The following DICER1 variants were observed in gnomAD, a reference collection of about 807,000 sequenced individuals.
The protein encoded by DICER1 is endoribonuclease Dicer.
Under a neutral mutation model 194.1 loss-of-function variants are expected in DICER1, and 43 were observed. The ratio of observed to expected loss-of-function variants is 0.22; its 90% CI spans 0.17 to 0.29. The LOEUF is 0.29. DICER1 is among the 10% of genes least tolerant of loss of function. The probability of loss-of-function intolerance (pLI) is 1.00; values close to 1 mark genes in which losing one functional copy is unlikely to be tolerated. For synonymous variants in DICER1, 832 were observed against 820.5 expected (o/e 1.01, Z -0.24); for missense variants, 1,608 against 2,317.0 (o/e 0.69, Z 6.28).
At position 95,105,254 on chromosome 14, in the gene DICER1, TA is replaced by T; in HGVS notation, c.3094-9del. 1 of 1,607,782 alleles carries T rather than the reference TA, an allele frequency of 6.2e-7. No homozygotes were observed. Among genetic ancestry groups the T allele is most frequent in the Non-Finnish European group, 8.5e-7 (1 of 1,177,864 alleles). The stretch of plus-strand genomic sequence containing the variant: ...GAGTTCTGGAACCAGTATCTTCAAG[TA>T]AGGGGAAAAATGGACAGATAAATAC... On this transcript the variant is annotated splice_polypyrimidine_tract_variant and intron_variant, in intron 19 of 26. Transcript: ENST00000343455. The surrounding 1 kb of genome is among the most constrained non-coding windows in gnomAD (Gnocchi z 4.9).
At chr14:95,097,739 T>C (rs958649798) in intron 22 of DICER1, among the ~76,000 whole-genome samples, 7 of 152,176 alleles carry the variant, frequency 4.6e-5, no homozygotes, top group African/African-American at 7.2e-5. Flanking sequence ...ATTTTTTAAA[T>C]ACTACAAATA....
chr14:95,141,454 C>T (rs1894823357), intron 1 of DICER1, among the ~76,000 whole-genome samples: 2 of 152,206 alleles, frequency 1.3e-5, no homozygotes. Context: ...TTTGTTAGAT[C>T]TGACATCAGA....
intron 1 of DICER1, among the ~76,000 whole-genome samples, chr14:95,155,224 A>C (rs1031438986): frequency 5.9e-5 from 9 of 152,206 alleles, no homozygotes; most frequent in Admixed American, 5.9e-4. Flanking sequence ...CTTGGCGCAT[A>C]ACAAGGAGGC....
In DICER1 at chr14:95,090,400, CCACT is replaced by C. The variant is rs1332134490; in HGVS notation, c.*94_*97del. On this transcript the variant is annotated 3_prime_UTR_variant, in exon 27 of 27. Coordinates refer to ENST00000343455, the MANE Select transcript of DICER1 (RefSeq NM_177438.3). ...CTTTAAATTCTGCCTTCAATTCATTCCACTCACTAACAACTTTAAGTCTTCCTTT... is the reference window on the plus strand; with the variant it reads ...CTTTAAATTCTGCCTTCAATTCATTCCACTAACAACTTTAAGTCTTCCTTT... 7 of 1,333,530 alleles carry C rather than the reference CCACT, an allele frequency of 5.2e-6. No individual in the cohort carries two copies. Among genetic ancestry groups the C allele is most frequent in the East Asian group, 2.3e-5 (1 of 43,052 alleles). 82.6% of individuals were successfully genotyped at this position (1,333,530 alleles called of 1,614,324 possible). A position where few individuals can be genotyped will look rare whatever the true frequency, so the allele number is the denominator to read the frequency against.
In DICER1 at chr14:95,093,915, C is replaced by T. The variant is rs111630745; in HGVS notation, c.5337G>A (p.Lys1779=). Residue 1779 remains lysine, a synonymous_variant, in exon 24 of 27, where the codon AAG becomes AAA. Coordinates refer to ENST00000343455, the MANE Select transcript of DICER1 (RefSeq NM_177438.3). ...IDDFVQFQLE[K]NEMQGMDSEL... is the part of the protein sequence containing the mutation. ...CAGAATCCATTCCTTGCATTTCATTCTTCTCAAGCTGAAACTGCACAAAGT... is the reference window on the plus strand; with the variant it reads ...CAGAATCCATTCCTTGCATTTCATTTTTCTCAAGCTGAAACTGCACAAAGT... 5.5e-5 allele frequency: 88 copies of T among 1,614,162 alleles called. No individual in the cohort carries two copies. The African/African-American group carries it at 1.1e-3, about 20-fold the overall frequency.
At chr14:95,110,369 C>T (rs1223228217) in intron 14 of DICER1, among the ~76,000 whole-genome samples, 5 of 152,216 alleles carry the variant, frequency 3.3e-5, no homozygotes, top group Non-Finnish European at 7.4e-5. Context: ...GGCACACGCA[C>T]ATGCATCCCC....
chr14:95,091,079 G>C lies in DICER1; in HGVS notation c.5558C>G (p.Pro1853Arg). 6.2e-7 allele frequency: 1 copy of C among 1,614,026 alleles called. No individual in the cohort carries two copies. The highest frequency in any genetic ancestry group is 8.5e-7 in the Non-Finnish European group (1 of 1,179,964). Residue 1853 changes from proline (P) to arginine (R), a missense_variant, in exon 26 of 27, where the codon CCT (proline) becomes CGT (arginine). Pro to Arg is a moderately radical substitution (Grantham distance 103). Coordinates refer to ENST00000343455, the MANE Select transcript of DICER1 (RefSeq NM_177438.3). ...EKFSANVPRS[P>R]VRELLEMEPE... is the part of the protein sequence containing the mutation. ...TTCCATTTCAAGCAATTCTCGCACA[G>C]GGGAACGGGGTACATTTGCAGAAAA...
chr14:95,133,752 T>G (rs912578371), intron 1 of DICER1, among the ~76,000 whole-genome samples: 1 of 152,226 alleles, frequency 6.6e-6, no homozygotes, highest in African/African-American at 2.4e-5. Context: ...GAGATGTACA[T>G]GAATATTTGT....
intron 15 of DICER1, 44 bp from the exon 16 acceptor site, chr14:95,108,137 A>T: frequency 6.9e-7 from 1 of 1,456,888 alleles, no homozygotes; most frequent in East Asian, 2.3e-5. Context: ...ATTAACAGGT[A>T]TTTTATTCCA....
chr14:95,092,361 TC>T (rs1889924032), intron 24 of DICER1, among the ~76,000 whole-genome samples: 2 of 152,244 alleles, frequency 1.3e-5, no homozygotes, highest in Non-Finnish European at 2.9e-5. Context: ...TAACTAATTT[TC>T]TTCTTATTTA....
intron 1 of DICER1, among the ~76,000 whole-genome samples, chr14:95,147,783 T>C (rs1187242098): frequency 6.6e-6 from 1 of 152,220 alleles, no homozygotes; most frequent in African/African-American, 2.4e-5. Context: ...AGGTTATTTT[T>C]TGCCCGTGCT....
chr14:95,137,516 A>G (rs997461395), intron 1 of DICER1, among the ~76,000 whole-genome samples: 2 of 140,348 alleles, frequency 1.4e-5, no homozygotes, highest in Admixed American at 7.1e-5. Context: ...AAGGGGAAGG[A>G]AAAGGGAAAG....
chr14:95,093,480 T>C (rs1488097046), intron 24 of DICER1, among the ~76,000 whole-genome samples: 8 of 152,220 alleles, frequency 5.3e-5, no homozygotes, highest in Non-Finnish European at 1.2e-4. Flanking sequence ...TTTATGATGC[T>C]TCCCTGAGAT....
At chr14:95,129,309 A>G in intron 6 of DICER1, 163 bp downstream of exon 6, 1 of 634,866 alleles carries the variant, frequency 1.6e-6, no homozygotes, top group East Asian at 2.7e-5. Context: ...TCTTGAACTC[A>G]CAGGTAATGG....
chr14:95,091,817 C>T (rs922811462), intron 24 of DICER1, among the ~76,000 whole-genome samples: 19 of 152,266 alleles, frequency 1.2e-4, no homozygotes, highest in African/African-American at 3.9e-4. Flanking sequence ...GAGCAGAAAT[C>T]GCTGTTGTAG....
At chr14:95,138,014 A>G (rs1036260693) in intron 1 of DICER1, 3 of 154,698 alleles carry the variant, frequency 1.9e-5, no homozygotes, top group Non-Finnish European at 4.4e-5. Context: ...CAAAGACTCA[A>G]TTCTATCTGG....
In DICER1 at chr14:95,103,604, C is replaced by T. The variant is rs778862635; in HGVS notation, c.3792G>A (p.Thr1264=). 280 of 1,614,016 alleles carry T rather than the reference C, an allele frequency of 1.7e-4. No individual in the cohort carries two copies. Among genetic ancestry groups the T allele is most frequent in the Non-Finnish European group, 1.8e-4 (217 of 1,180,032 alleles). ...GSPVMAVMPG[T]TDTIQVLKGR... ...CCTTGAGCACTTGAATAGTGTCTGT[C>T]GTACCAGGCATTACGGCCATCACAG... The change falls in exon 21 of 27, where the codon ACG becomes ACA. Residue 1264 remains threonine, a synonymous_variant. Transcript: ENST00000343455.
At chr14:95,095,778 C>T (rs776660617) in intron 23 of DICER1, 47 bp downstream of exon 23, 1 of 1,602,768 alleles carries the variant, frequency 6.2e-7, no homozygotes, top group East Asian at 2.2e-5. Context: ...GAGATCAACA[C>T]AAAGTCTCAT....
chr14:95,101,826 A>G (rs922028333), intron 21 of DICER1, among the ~76,000 whole-genome samples: 18 of 152,154 alleles, frequency 1.2e-4, no homozygotes, highest in African/African-American at 3.9e-4. Flanking sequence ...CCAGAGGCTT[A>G]GAGAAGAGTG....
Sources: gnomAD v4.1 joint callset for allele counts (sites outside exome capture counted in the v4.1 genomes callset) on GRCh38, gnomAD v4.1.1 for gene constraint, Gnocchi (gnomAD v3.1) non-coding constraint, MANE v1.5 for transcripts, NCBI Gene and HGNC (gene_info 2026-07-23, HGNC 2026-07-21) for gene names.